Variants in HK2 observed in about 807,000 individuals in gnomAD.
HK2 encodes the protein hexokinase 2, also known as hexokinase-2.
In HK2, 42 loss-of-function variants were observed where a neutral mutation model predicts 92.9. The ratio of observed to expected loss-of-function variants is 0.45; its 90% confidence interval spans 0.35 to 0.58. The LOEUF is 0.58. Ranked by LOEUF, HK2 falls within the 20% of genes least tolerant of loss-of-function variation. The probability of loss-of-function intolerance (pLI) is 0.00; values close to 1 mark genes in which losing one functional copy is unlikely to be tolerated. For missense variants in HK2, 978 were observed against 1,245.1 expected, an observed-to-expected ratio of 0.79 and a Z score of 3.23; for synonymous variants, 422 against 468.0, an observed-to-expected ratio of 0.90 and a Z score of 1.27.
At chr2:74,857,360 G>A (rs1174450188) in intron 2 of HK2, among the ~76,000 whole-genome samples, 1 of 152,220 alleles carries the variant, frequency 6.6e-6, no homozygotes, top group African/African-American at 2.4e-5. Context: ...TCATTGGATG[G>A]TGTCTTAGTT....
chr2:74,889,399 A>C lies in HK2; in HGVS notation c.2530A>C (p.Arg844=), dbSNP rs763427035. 2.0e-5 allele frequency: 33 copies of C among 1,614,206 alleles called. No individual in the cohort carries two copies. In the African/African-American group the frequency reaches 4.3e-4, roughly 21 times the overall value. ...CGCAGGCATGGCCGCTGTGGTGGAC[A>C]GGATACGAGAAAACCGTGGGCTGGA... The part of the protein sequence containing the change: ...CGAGMAAVVD[R]IRENRGLDAL... The change falls in exon 17 of 18, where the codon AGG becomes CGG. Residue 844 remains arginine, a synonymous_variant. Coordinates refer to ENST00000290573, the MANE Select transcript of HK2 (RefSeq NM_000189.5).
chr2:74,851,998 C>G (rs1688582212), intron 1 of HK2, among the ~76,000 whole-genome samples: 1 of 152,216 alleles, frequency 6.6e-6, no homozygotes, highest in Admixed American at 6.5e-5. Flanking sequence ...CACAGACCAG[C>G]CAAACTTCTC....
chr2:74,851,020 C>G (rs895673894), intron 1 of HK2, among the ~76,000 whole-genome samples: 22 of 152,186 alleles, frequency 1.4e-4, no homozygotes, highest in Admixed American at 1.0e-3. Context: ...ACAGCTGTTT[C>G]ATATCTTCTC....
Position 74,878,743 on chromosome 2 carries a change from C to T in HK2, c.1087C>T (p.Pro363Ser). ...REVLMRLGLD[P>S]TQEDCVATHR... Reference sequence around the variant, plus strand: ...GGTCCTGATGCGGTTGGGCCTGGACCCGACTCAGGAGGACTGCGTGGCCAC... The same window carrying T: ...GGTCCTGATGCGGTTGGGCCTGGACTCGACTCAGGAGGACTGCGTGGCCAC... The change falls in exon 9 of 18, where the codon CCG becomes TCG. Residue 363 changes from proline to serine, a missense_variant. Around this residue, in one of 3 missense-constraint regions of HK2, gnomAD observed 742 missense variants for 922.5 expected, o/e 0.80. Transcript: ENST00000290573. 3 of 1,604,324 alleles carry T rather than the reference C, an allele frequency of 1.9e-6. No individual in the cohort carries two copies. Among genetic ancestry groups the T allele is most frequent in the Non-Finnish European group, 2.6e-6 (3 of 1,175,508 alleles).
At chr2:74,868,629 G>T (rs1689020116) in intron 3 of HK2, among the ~76,000 whole-genome samples, 1 of 152,136 alleles carries the variant, frequency 6.6e-6, no homozygotes, top group Non-Finnish European at 1.5e-5. Context: ...ACTTTCTGTG[G>T]CTAGTAATTG....
At chr2:74,871,744 GAA>G (rs1458915772) in intron 3 of HK2, among the ~76,000 whole-genome samples, 1 of 152,136 alleles carries the variant, frequency 6.6e-6, no homozygotes, top group Non-Finnish European at 1.5e-5. Flanking sequence ...CTAGAATGGA[GAA>G]AAAAATATAA....
chr2:74,874,383 T>C lies in HK2; in HGVS notation c.809T>C (p.Leu270Pro). ...GGGGCCTTCGGGGACGATGGCTCGCTCAACGACATTCGCACTGAGTTTGAC... is the reference window on the plus strand; with the variant it reads ...GGGGCCTTCGGGGACGATGGCTCGCCCAACGACATTCGCACTGAGTTTGAC... ...EWGAFGDDGS[L>P]NDIRTEFDQE... The change falls in exon 7 of 18, where the codon CTC (leucine) becomes CCC (proline). Residue 270 changes from leucine to proline, a missense_variant. Leu to Pro is a moderately conservative substitution (Grantham distance 98). Around this residue, in one of 3 missense-constraint regions of HK2, gnomAD observed 742 missense variants for 922.5 expected, o/e 0.80. Transcript: ENST00000290573. 2 of 1,613,708 alleles carry C rather than the reference T, an allele frequency of 1.2e-6. No homozygotes were observed. The highest frequency in any genetic ancestry group is 1.7e-6 in the Non-Finnish European group (2 of 1,179,822).
At chr2:74,836,531 C>T (rs1440243904) in intron 1 of HK2, among the ~76,000 whole-genome samples, 1 of 152,210 alleles carries the variant, frequency 6.6e-6, no homozygotes, top group African/African-American at 2.4e-5. Context: ...TTAAGCGCTG[C>T]AGTGTGCAAC....
At chr2:74,859,291 C>T (rs777601953) in intron 2 of HK2, among the ~76,000 whole-genome samples, 5 of 152,218 alleles carry the variant, frequency 3.3e-5, no homozygotes, top group East Asian at 3.9e-4. Flanking sequence ...AGGGTTCAGA[C>T]GTATACTTAC....
chr2:74,879,873 A>G (rs562009566), intron 9 of HK2, among the ~76,000 whole-genome samples: 85 of 152,346 alleles, frequency 5.6e-4, no homozygotes, highest in African/African-American at 2.0e-3. Context: ...TGATAGAACA[A>G]GACAGATAGG....
chr2:74,866,119 C>T (rs972468876), intron 2 of HK2, among the ~76,000 whole-genome samples: 1 of 151,968 alleles, frequency 6.6e-6, no homozygotes, highest in Non-Finnish European at 1.5e-5. Context: ...ATGATGTCTA[C>T]CGTTTTCCCT....
At chr2:74,885,287 G>T (rs965039432) in intron 12 of HK2, among the ~76,000 whole-genome samples, 1 of 152,320 alleles carries the variant, frequency 6.6e-6, no homozygotes, top group East Asian at 1.9e-4. Context: ...CATGATCTAT[G>T]CTTAGCCCAG....
intron 3 of HK2, among the ~76,000 whole-genome samples, chr2:74,870,001 CTTT>C (rs66946936): frequency 9.1e-5 from 11 of 121,464 alleles, no homozygotes; most frequent in African/African-American, 1.3e-4. Flanking sequence ...CTTTTCTTTT[CTTT>C]TTTTTTTTTT....
At position 74,886,392 on chromosome 2, in the gene HK2, T is replaced by C; in HGVS notation, c.2034T>C (p.Val678=). Residue 678 remains valine (V), a splice_region_variant and synonymous_variant, in exon 14 of 18, where the codon GTT becomes GTC. Coordinates refer to ENST00000290573, the MANE Select transcript of HK2 (RefSeq NM_000189.5). ...EDPHCEVGLI[V]GTGSNACYME... is the part of the protein sequence containing the mutation. ...CTCACTGTGAAGTTGGCCTCATTGT[T>C]GGTAAGGACCCAGACTGTCCTTTCC... 1.9e-6 allele frequency: 3 copies of C among 1,614,092 alleles called. No homozygotes were observed. The highest frequency in any genetic ancestry group is 2.5e-6 in the Non-Finnish European group (3 of 1,179,986).
In HK2 at chr2:74,854,396, A is replaced by G. The variant is rs2103885505; in HGVS notation, c.167A>G (p.His56Arg). Residue 56 changes from histidine (H) to arginine (R), a missense_variant, in exon 2 of 18, where the codon CAC (histidine) becomes CGC (arginine). Around this residue, in one of 3 missense-constraint regions of HK2, gnomAD observed 189 missense variants for 289.5 expected, o/e 0.65. Transcript: ENST00000290573. ...GAGAAAGGGCTTGGAGCCACCACTCACCCTACTGCAGCAGTGAAGATGCTG... is the reference window on the plus strand; with the variant it reads ...GAGAAAGGGCTTGGAGCCACCACTCGCCCTACTGCAGCAGTGAAGATGCTG... ...EMEKGLGATT[H>R]PTAAVKMLPT... 1 of 1,614,094 alleles carries G rather than the reference A, an allele frequency of 6.2e-7. No individual in the cohort carries two copies. Among genetic ancestry groups the G allele is most frequent in the Non-Finnish European group, 8.5e-7 (1 of 1,180,026 alleles).
chr2:74,863,015 C>G (rs1188603238), intron 2 of HK2, among the ~76,000 whole-genome samples: 1 of 152,228 alleles, frequency 6.6e-6, no homozygotes, highest in African/African-American at 2.4e-5. Context: ...GCCTAAAAAG[C>G]TGAACATGCT....
Position 74,877,615 on chromosome 2 carries a change from C to T in HK2, c.1031+294C>T, listed in dbSNP as rs537852492. Reference sequence around the variant, plus strand: ...TTTAAAGCTGGAGGACCCCAGAGGGCCCCCGAAAGACTTAGCTGCATCTGC... The same window carrying T: ...TTTAAAGCTGGAGGACCCCAGAGGGTCCCCGAAAGACTTAGCTGCATCTGC... On this transcript the variant is annotated intron_variant, in intron 8 of 17. Transcript: ENST00000290573. Among the ~76,000 whole-genome samples, 6 of 152,288 alleles carry T rather than the reference C, an allele frequency of 3.9e-5. No homozygotes were observed. In the South Asian group the frequency reaches 1.2e-3, roughly 32 times the overall value.
At position 74,834,660 on chromosome 2, in the gene HK2, G is replaced by A. The variant is rs1007076712; in HGVS notation, c.63+17G>A. The A allele has an allele frequency of 6.2e-7, 1 of 1,613,766 alleles. No homozygotes were observed. The highest frequency in any genetic ancestry group is 1.1e-5 in the South Asian group (1 of 91,078). ...GTGCAGAAGGTAAGTCAGCGCGGGC[G>A]GGGCGGCAGGCTGGGCTCTGGCAAA... On this transcript the variant is annotated intron_variant, in intron 1 of 17. Transcript: ENST00000290573. The surrounding 1 kb of genome is among the most constrained non-coding windows in gnomAD (Gnocchi z 4.2).
At chr2:74,879,291 C>T (rs188600524) in intron 9 of HK2, among the ~76,000 whole-genome samples, 1 of 152,192 alleles carries the variant, frequency 6.6e-6, no homozygotes, top group Non-Finnish European at 1.5e-5. Context: ...GTGAGGGTTA[C>T]CAGCTTCTCT....
Sources: allele counts gnomAD v4.1 joint callset (sites outside exome capture counted in the v4.1 genomes callset), GRCh38; gene constraint gnomAD v4.1.1; regional missense constraint gnomAD v4.1.1; non-coding constraint Gnocchi (gnomAD v3.1); transcripts MANE v1.5; gene names NCBI Gene and HGNC (gene_info 2026-07-23, HGNC 2026-07-21).